VEZT: variants seen among roughly 807,000 people sequenced by gnomAD.
The protein encoded by VEZT is vezatin, adherens junctions transmembrane protein, also known as vezatin.
Under a neutral mutation model 79.9 loss-of-function variants are expected in VEZT, and 39 were observed. The ratio of observed to expected loss-of-function variants is 0.49; its 90% confidence interval spans 0.38 to 0.64. VEZT has a LOEUF of 0.64. Ranked by LOEUF, VEZT falls within the 30% of genes least tolerant of loss-of-function variation. VEZT has a pLI of 0.00. For missense variants in VEZT, 837 were observed against 893.1 expected, an observed-to-expected ratio of 0.94 and a Z score of 0.80; for synonymous variants, 325 against 327.6, an observed-to-expected ratio of 0.99 and a Z score of 0.09.
At chr12:95,286,474 A>G in intron 8 of VEZT, 1 of 553,444 alleles carries the variant, frequency 1.8e-6, no homozygotes, top group African/African-American at 1.9e-5. Context: ...GGCACCAATT[A>G]TTCTTTCAGG....
intron 9 of VEZT, 77 bp downstream of exon 9, chr12:95,287,934 C>A: frequency 1.6e-6 from 2 of 1,258,768 alleles, no homozygotes; most frequent in South Asian, 2.0e-5. Context: ...ATTAGGTAGA[C>A]TTCTTGTCTT....
intron 1 of VEZT, among the ~76,000 whole-genome samples, chr12:95,233,230 T>C (rs2059522243): frequency 6.6e-6 from 1 of 152,052 alleles, no homozygotes; most frequent in Non-Finnish European, 1.5e-5. Flanking sequence ...AACTATGTTT[T>C]TCCACACAGA....
At chr12:95,270,970 A>G (rs2066476131) in intron 6 of VEZT, among the ~76,000 whole-genome samples, 1 of 152,220 alleles carries the variant, frequency 6.6e-6, no homozygotes, top group African/African-American at 2.4e-5. Context: ...GTATTGTAGC[A>G]CTGATAAATA....
rs73374301 is a variant in VEZT, at chr12:95,272,849, T to C, written c.849-1893T>C. The stretch of plus-strand genomic sequence containing the variant: ...ATGGCTCACTGTAGTCTCATTCTCA[T>C]GTGATCCTCCTGCCTTAGCCTTCCG... On this transcript the variant is annotated intron_variant, in intron 6 of 11. Coordinates refer to ENST00000436874, the MANE Select transcript of VEZT (RefSeq NM_017599.4). Among the ~76,000 whole-genome samples, 665 of 152,278 alleles carry C rather than the reference T, an allele frequency of 4.4e-3. 5 individuals are homozygous for C. Among genetic ancestry groups the C allele is most frequent in the African/African-American group, 0.015 (627 of 41,572 alleles).
intron 7 of VEZT, 134 bp downstream of exon 7, chr12:95,275,023 G>A: frequency 3.7e-6 from 4 of 1,073,286 alleles, no homozygotes; most frequent in Non-Finnish European, 5.1e-6. Context: ...ATGCACGGGT[G>A]ATGTTTGTAA....
intron 1 of VEZT, among the ~76,000 whole-genome samples, chr12:95,220,448 T>G (rs2057394948): frequency 6.6e-6 from 1 of 152,040 alleles, no homozygotes; most frequent in South Asian, 2.1e-4. Context: ...AGAGCCAGAC[T>G]CTGCCCCAAA....
chr12:95,250,899 A>C (rs2062483488), intron 1 of VEZT, among the ~76,000 whole-genome samples: 1 of 152,168 alleles, frequency 6.6e-6, no homozygotes, highest in Non-Finnish European at 1.5e-5. Context: ...CTATGAACTA[A>C]GTGCTATTAC....
At chr12:95,257,405 A>G (rs1014745231) in intron 3 of VEZT, among the ~76,000 whole-genome samples, 166 bp downstream of exon 3, 7 of 152,086 alleles carry the variant, frequency 4.6e-5, no homozygotes, top group African/African-American at 9.7e-5. Context: ...TATTGTTTAT[A>G]GCTTTTAAAG....
chr12:95,257,026 T>C, intron 2 of VEZT, 124 bp from the exon 3 acceptor site: 1 of 766,834 alleles, frequency 1.3e-6, no homozygotes. Flanking sequence ...GTATATAACC[T>C]GGACAATTTT....
At chr12:95,266,226 T>C (rs1468161819) in intron 4 of VEZT, 131 bp from the exon 5 acceptor site, 10 of 1,051,460 alleles carry the variant, frequency 9.5e-6, no homozygotes, top group Non-Finnish European at 1.4e-5. Flanking sequence ...TTTTAAGTTA[T>C]GCTTTACAAA....
intron 6 of VEZT, among the ~76,000 whole-genome samples, 173 bp downstream of exon 6, chr12:95,270,361 A>G (rs1404163555): frequency 3.3e-5 from 5 of 152,198 alleles, no homozygotes; most frequent in Admixed American, 2.0e-4. Context: ...GGGAATGACA[A>G]TAACAGACAG....
chr12:95,290,823 T>C (rs1454136294), intron 9 of VEZT: 1 of 152,134 alleles, frequency 6.6e-6, no homozygotes, highest in African/African-American at 2.4e-5. Context: ...TAAATATGTA[T>C]GTATACACAT....
intron 3 of VEZT, among the ~76,000 whole-genome samples, chr12:95,260,463 C>G (rs552814694): frequency 1.3e-5 from 2 of 152,222 alleles, no homozygotes; most frequent in South Asian, 4.1e-4. Context: ...CCTCTAAGCA[C>G]GTTGGTTTTG....
chr12:95,284,978 C>T (rs555960421), intron 8 of VEZT, among the ~76,000 whole-genome samples: 20 of 148,960 alleles, frequency 1.3e-4, no homozygotes, highest in South Asian at 8.5e-4. Context: ...CCCAGTTACT[C>T]GGGAGGCTGA....
intron 5 of VEZT, among the ~76,000 whole-genome samples, chr12:95,267,029 T>A (rs1345410050): frequency 6.6e-6 from 1 of 152,240 alleles, no homozygotes; most frequent in African/African-American, 2.4e-5. Flanking sequence ...TAAATGCATT[T>A]TGAAAACTCT....
At chr12:95,282,289 G>GTACTTTT in intron 7 of VEZT, 24 bp from the exon 8 acceptor site, 1 of 1,552,314 alleles carries the variant, frequency 6.4e-7, no homozygotes, top group Non-Finnish European at 8.7e-7. Context: ...TATTGATCTA[G>GTACTTTT]TTCTTTTTTC....
intron 10 of VEZT, among the ~76,000 whole-genome samples, chr12:95,295,071 G>A (rs146014054): frequency 4.6e-5 from 7 of 152,260 alleles, no homozygotes; most frequent in Admixed American, 1.3e-4. Context: ...CCCTTGCTTC[G>A]TCAATGCTGA....
intron 2 of VEZT, among the ~76,000 whole-genome samples, chr12:95,254,339 C>CTTTTTTTTTTTTTTTTT (rs34968028): frequency 1.4e-5 from 1 of 69,402 alleles, no homozygotes; most frequent in Non-Finnish European, 2.5e-5. Context: ...AAACGAAGTT[C>CTTTTTTTTTTTTTTTTT]TTTTTTTTTT....
At chr12:95,253,975 T>TTTTATTTA (rs541160757) in intron 2 of VEZT, among the ~76,000 whole-genome samples, 2 of 152,024 alleles carry the variant, frequency 1.3e-5, no homozygotes, top group African/African-American at 4.8e-5. Context: ...TTTGTCTTCA[T>TTTTATTTA]TTTATTTATT....
Sources: allele counts gnomAD v4.1 joint callset (sites outside exome capture counted in the v4.1 genomes callset), GRCh38; gene constraint gnomAD v4.1.1; transcripts MANE v1.5; gene names NCBI Gene and HGNC (gene_info 2026-07-23, HGNC 2026-07-21).